Variants in TIGD7 observed in about 807,000 individuals in gnomAD.
TIGD7 encodes the protein tigger transposable element-derived protein 7.
Under a neutral mutation model 24.8 loss-of-function variants are expected in TIGD7, and 26 were observed. The observed-to-expected ratio is 1.05, with a 90% CI of 0.77 to 1.45. The LOEUF is 1.45. Ranked by LOEUF, TIGD7 falls within the 40% of genes most tolerant of loss-of-function variation. TIGD7 has a pLI of 0.00. For missense variants in TIGD7, 679 were observed against 641.6 expected (o/e 1.06, Z -0.63); for synonymous variants, 221 against 224.1 (o/e 0.99, Z 0.12).
Position 3,301,095 on chromosome 16 carries a change from A to G in TIGD7, c.-481T>C, listed in dbSNP as rs1428568968. On this transcript the variant is annotated 5_prime_UTR_variant, in exon 2 of 2. Coordinates refer to ENST00000396862, the MANE Select transcript of TIGD7 (RefSeq NM_033208.4). ...GAGCGTGAAAGACTCAAAGGCAATGACAGAGTAATCTTGTGTGTAGCAGAG... is the reference window on the plus strand; with the variant it reads ...GAGCGTGAAAGACTCAAAGGCAATGGCAGAGTAATCTTGTGTGTAGCAGAG... 5.9e-6 allele frequency: 1 copy of G among 169,316 alleles called. No homozygotes were observed. The highest frequency in any genetic ancestry group is 1.4e-5 in the Non-Finnish European group (1 of 69,688). The allele number at this position is 169,316 out of a possible 1,614,324, so 10.5% of individuals were successfully genotyped here.
intron 1 of TIGD7, among the ~76,000 whole-genome samples, chr16:3,303,465 G>A (rs1426238204): frequency 2.6e-5 from 4 of 152,204 alleles, no homozygotes; most frequent in African/African-American, 9.7e-5. Flanking sequence ...GCCAGGTGAT[G>A]AGAATCTTAA....
chr16:3,304,318 T>A (rs1166018876), intron 1 of TIGD7, among the ~76,000 whole-genome samples: 1 of 152,122 alleles, frequency 6.6e-6, no homozygotes, highest in Admixed American at 6.5e-5. Flanking sequence ...CTCCTACCCT[T>A]CCCTCTGCCT....
intron 1 of TIGD7, chr16:3,303,716 G>C (rs1960010069): frequency 6.6e-6 from 1 of 152,288 alleles, no homozygotes; most frequent in Non-Finnish European, 1.5e-5. Flanking sequence ...TAGCATAATG[G>C]CCTGGTAATG....
Position 3,299,418 on chromosome 16 carries a change from C to G in TIGD7, c.1197G>C (p.Trp399Cys). ...EVKQITIANA[W>C]ENLLYKKEPE... ...GTTCCTTTTTGTAAAGAAGATTTTCCCATGCATTTGCTATGGTTATTTGTT... is the reference window on the plus strand; with the variant it reads ...GTTCCTTTTTGTAAAGAAGATTTTCGCATGCATTTGCTATGGTTATTTGTT... The change falls in exon 2 of 2, where the codon TGG becomes TGC. Residue 399 changes from tryptophan to cysteine, a missense_variant. By Grantham distance (215) the Trp-to-Cys change is radical. Coordinates refer to ENST00000396862, the MANE Select transcript of TIGD7 (RefSeq NM_033208.4). 1 of 1,557,510 alleles carries G rather than the reference C, an allele frequency of 6.4e-7. No homozygotes were observed.
rs763163059 is a variant in TIGD7 at position 3,300,314 on chromosome 16, C to A, written c.301G>T (p.Val101Leu). 3.1e-6 allele frequency: 5 copies of A among 1,614,244 alleles called. No homozygotes were observed. The East Asian group carries it at 6.7e-5, about 22-fold the overall frequency. The change falls in exon 2 of 2, where the codon GTG becomes TTG. Residue 101 changes from valine (V) to leucine (L), a missense_variant. By Grantham distance (32) the Val-to-Leu change is conservative. Coordinates refer to ENST00000396862, the MANE Select transcript of TIGD7 (RefSeq NM_033208.4). ...CTCTCTGCAGCAGCCTGAAGCTCCA[C>A]GCCTCTTACCGGAACACCGGCTGAG... The part of the protein sequence containing the change: ...KRSAGVPVRG[V>L]ELQAAAERFA...
intron 1 of TIGD7, among the ~76,000 whole-genome samples, chr16:3,304,155 G>A (rs1258929649): frequency 6.6e-6 from 1 of 152,164 alleles, no homozygotes; most frequent in Non-Finnish European, 1.5e-5. Flanking sequence ...TTTCTTAAAT[G>A]CACTCTTTTC....
intron 1 of TIGD7, among the ~76,000 whole-genome samples, chr16:3,302,339 G>A (rs1181815218): frequency 6.6e-6 from 1 of 152,032 alleles, no homozygotes; most frequent in Non-Finnish European, 1.5e-5. Context: ...TGTTGGCCAG[G>A]CTGGTCTCGA....
At position 3,299,973 on chromosome 16, in the gene TIGD7, T is replaced by C. The variant is rs201833161; in HGVS notation, c.642A>G (p.Leu214=). 131 of 1,614,110 alleles carry C rather than the reference T, an allele frequency of 8.1e-5. No homozygotes were observed. The highest frequency in any genetic ancestry group is 4.2e-4 in the Admixed American group (25 of 60,012). ...TATGAGTTCCGTCTGCATTTGCACA[T>C]AAAAAGGCAGACAACCTTTCTTTGT... The part of the protein sequence containing the change: ...KINKERLSAF[L]CANADGTHKL... The change falls in exon 2 of 2, where the codon TTA becomes TTG. Residue 214 remains leucine (L), a synonymous_variant. Coordinates refer to ENST00000396862, the MANE Select transcript of TIGD7 (RefSeq NM_033208.4).
At chr16:3,305,059 G>C (rs776139600) in intron 1 of TIGD7, 153 bp downstream of exon 1, 3 of 152,234 alleles carry the variant, frequency 2.0e-5, no homozygotes, top group African/African-American at 7.2e-5. Context: ...ACCCTCGGGG[G>C]GCCGCTGTTT....
At position 3,301,271 on chromosome 16, in the gene TIGD7, T is replaced by C. The variant is rs535940235; in HGVS notation, c.-657A>G. ...CTCCGAGCTACAGGGACCCTGACAT[T>C]GGGATGTATGGAGAGTTGGAATTCA... is the stretch of plus-strand genomic sequence containing the variant. On this transcript the variant is annotated 5_prime_UTR_variant, in exon 2 of 2. Transcript: ENST00000396862. The C allele has an allele frequency of 1.0e-4, 17 of 167,190 alleles. No individual in the cohort carries two copies. Among genetic ancestry groups the C allele is most frequent in the African/African-American group, 3.8e-4 (16 of 41,572 alleles). The allele number at this position is 167,190 out of a possible 1,614,324, so 10.4% of individuals were successfully genotyped here.
chr16:3,300,236 A>C lies in TIGD7; in HGVS notation c.379T>G (p.Phe127Val). Residue 127 changes from phenylalanine to valine, a missense_variant, in exon 2 of 2, where the codon TTT (phenylalanine) becomes GTT (valine). Phe to Val is a conservative substitution (Grantham distance 50). Transcript: ENST00000396862. ...TDFKASTGWL[F>V]RFRNRHAIGN... ...ATTGCATGCCGATTTCGAAATCTAA[A>C]AAGCCAACCAGTGCTAGCTTTGAAA... 1 of 1,614,252 alleles carries C rather than the reference A, an allele frequency of 6.2e-7. No homozygotes were observed. The highest frequency in any genetic ancestry group is 2.2e-5 in the East Asian group (1 of 44,882).
At chr16:3,303,499 G>C (rs1027470879) in intron 1 of TIGD7, among the ~76,000 whole-genome samples, 1 of 152,180 alleles carries the variant, frequency 6.6e-6, no homozygotes, top group South Asian at 2.1e-4. Context: ...ACTGTCCACT[G>C]GTTCTGATAG....
Position 3,300,834 on chromosome 16 carries a change from G to A in TIGD7, c.-220C>T. 4 of 627,200 alleles carry A rather than the reference G, an allele frequency of 6.4e-6. No homozygotes were observed. In the South Asian group the frequency reaches 1.3e-4, roughly 21 times the overall value. The allele number at this position is 627,200 out of a possible 1,614,324, so 38.9% of individuals were successfully genotyped here. On this transcript the variant is annotated 5_prime_UTR_variant, in exon 2 of 2. Coordinates refer to ENST00000396862, the MANE Select transcript of TIGD7 (RefSeq NM_033208.4). ...CACTCAGAAAGCTGCCAGTTGCAAA[G>A]TCCTGTCTGGCTCTTGCTCCTGCAA...
Position 3,301,953 on chromosome 16 carries a change from C to G in TIGD7, c.-1339G>C, listed in dbSNP as rs1223688741. 1 of 166,988 alleles carries G rather than the reference C, an allele frequency of 6.0e-6. No individual in the cohort carries two copies. Among genetic ancestry groups the G allele is most frequent in the East Asian group, 1.9e-4 (1 of 5,204 alleles). The allele number at this position is 166,988 out of a possible 1,614,324, so 10.3% of individuals were successfully genotyped here. ...TAGATTAATTTCCTGGTTCTCAGTCCAGATACACAACCTCATGGGAAGAAA... is the reference window on the plus strand; with the variant it reads ...TAGATTAATTTCCTGGTTCTCAGTCGAGATACACAACCTCATGGGAAGAAA... On this transcript the variant is annotated 5_prime_UTR_variant, in exon 2 of 2. Transcript: ENST00000396862.
At chr16:3,302,634 G>A (rs1163380171) in intron 1 of TIGD7, among the ~76,000 whole-genome samples, 1 of 152,148 alleles carries the variant, frequency 6.6e-6, no homozygotes, top group Non-Finnish European at 1.5e-5. Context: ...AAGGCAGTTA[G>A]TAAGTGATAA....
intron 1 of TIGD7, chr16:3,304,990 C>G (rs1960085225): frequency 6.6e-6 from 1 of 152,250 alleles, no homozygotes; most frequent in Admixed American, 6.5e-5. Flanking sequence ...AGGTTCAAAC[C>G]TACCTCAAGA....
At chr16:3,304,077 C>T (rs1050222930) in intron 1 of TIGD7, among the ~76,000 whole-genome samples, 1 of 152,102 alleles carries the variant, frequency 6.6e-6, no homozygotes, top group Non-Finnish European at 1.5e-5. Context: ...ACCTCATGAT[C>T]CGCCCGCCTC....
intron 1 of TIGD7, among the ~76,000 whole-genome samples, chr16:3,304,226 C>G (rs1166904676): frequency 2.0e-5 from 3 of 152,196 alleles, no homozygotes; most frequent in African/African-American, 7.2e-5. Flanking sequence ...ACTTTTAAAA[C>G]TCTTCCTCTA....
chr16:3,300,288 T>C lies in TIGD7; in HGVS notation c.327A>G (p.Arg109=). 6.2e-7 allele frequency: 1 copy of C among 1,614,128 alleles called. No individual in the cohort carries two copies. Among genetic ancestry groups the C allele is most frequent in the Non-Finnish European group, 8.5e-7 (1 of 1,180,042 alleles). ...CTGTTCGCCCAAAACACCGTGCAAA[T>C]CTCTCTGCAGCAGCCTGAAGCTCCA... ...RGVELQAAAE[R]FARCFGRTDF... The change falls in exon 2 of 2, where the codon AGA becomes AGG. Residue 109 remains arginine (R), a synonymous_variant. Transcript: ENST00000396862.
Sources: allele counts gnomAD v4.1 joint callset (sites outside exome capture counted in the v4.1 genomes callset), GRCh38; gene constraint gnomAD v4.1.1; transcripts MANE v1.5; gene names NCBI Gene and HGNC (gene_info 2026-07-23, HGNC 2026-07-21).